GALM: variants seen among roughly 807,000 people sequenced by gnomAD.
GALM encodes the protein galactose mutarotase, also known as aldose 1-epimerase.
In GALM, 43 loss-of-function variants were observed where a neutral mutation model predicts 37.4. That is an observed-to-expected ratio of 1.15 (90% confidence interval 0.90 to 1.48). The LOEUF (loss-of-function observed/expected upper bound fraction) is 1.48. GALM is among the 40% of genes most tolerant of loss of function. The pLI is 0.00. For synonymous variants in GALM, 199 were observed against 170.6 expected (o/e 1.17, Z -1.30); for missense variants, 456 against 419.1 (o/e 1.09, Z -0.77).
At chr2:38,714,262 G>A (rs563738300) in intron 4 of GALM, among the ~76,000 whole-genome samples, 246 of 151,836 alleles carry the variant, frequency 1.6e-3, no homozygotes, top group Middle Eastern at 0.014. Flanking sequence ...TTGCCCAGGC[G>A]GGAGTGCAGT....
intron 2 of GALM, among the ~76,000 whole-genome samples, chr2:38,678,898 A>T (rs1352426766): frequency 6.6e-6 from 1 of 152,156 alleles, no homozygotes; most frequent in East Asian, 1.9e-4. Flanking sequence ...TCAGACAAAA[A>T]CTTCACTGAG....
At chr2:38,694,908 AAAAAC>A (rs953894352) in intron 4 of GALM, among the ~76,000 whole-genome samples, 2 of 151,130 alleles carry the variant, frequency 1.3e-5, no homozygotes, top group African/African-American at 4.9e-5. Context: ...AAAAAAAAAA[AAAAAC>A]AAAAAAAGAA....
chr2:38,731,396 CAAAAAAAAAAAAA>C (rs66613702), intron 5 of GALM, among the ~76,000 whole-genome samples: 10 of 121,668 alleles, frequency 8.2e-5, no homozygotes, highest in East Asian at 5.3e-4. Flanking sequence ...GACTCTATTT[CAAAAAAAAAAAAA>C]AAAAAAAAAA....
intron 4 of GALM, among the ~76,000 whole-genome samples, chr2:38,719,941 T>C (rs1321303648): frequency 3.3e-5 from 5 of 151,618 alleles, no homozygotes; most frequent in Non-Finnish European, 5.9e-5. Flanking sequence ...GCCAGGCGCG[T>C]TGGCTCACAC....
chr2:38,677,975 C>G (rs1665300315), intron 2 of GALM, among the ~76,000 whole-genome samples: 2 of 151,422 alleles, frequency 1.3e-5, no homozygotes, highest in South Asian at 4.2e-4. Flanking sequence ...GAGAGAATGA[C>G]TGCACAGTGG....
intron 4 of GALM, among the ~76,000 whole-genome samples, chr2:38,727,309 C>A (rs1416164304): frequency 1.3e-5 from 2 of 152,020 alleles, no homozygotes; most frequent in Non-Finnish European, 2.9e-5. Context: ...AGGATGGTAT[C>A]GCCTGGACCT....
chr2:38,692,265 A>G (rs1226874632), intron 4 of GALM, among the ~76,000 whole-genome samples: 2 of 152,210 alleles, frequency 1.3e-5, no homozygotes, highest in African/African-American at 2.4e-5. Flanking sequence ...AGAAGTCCTT[A>G]AGAAACAAGC....
Position 38,666,239 on chromosome 2 carries a change from A to C in GALM, c.78A>C (p.Ser26=). ...CAGTGGAGAAGTTCCAGCTGCAGTC[A>C]GACCTCTTGAGAGTGGACATCATCT... is the stretch of plus-strand genomic sequence containing the variant. ...GGTVEKFQLQ[S]DLLRVDIISW... The change falls in exon 1 of 7, where the codon TCA becomes TCC. Residue 26 remains serine (S), a synonymous_variant. Coordinates refer to ENST00000272252, the MANE Select transcript of GALM (RefSeq NM_138801.3). 6.2e-7 allele frequency: 1 copy of C among 1,614,092 alleles called. No homozygotes were observed. Among genetic ancestry groups the C allele is most frequent in the Non-Finnish European group, 8.5e-7 (1 of 1,179,940 alleles).
intron 5 of GALM, among the ~76,000 whole-genome samples, chr2:38,730,412 A>T (rs1007279007): frequency 6.6e-6 from 1 of 152,094 alleles, no homozygotes; most frequent in Non-Finnish European, 1.5e-5. Flanking sequence ...GATAACAGGC[A>T]CGTGCCACTA....
intron 2 of GALM, among the ~76,000 whole-genome samples, chr2:38,678,260 T>G (rs1665308967): frequency 6.6e-6 from 1 of 152,136 alleles, no homozygotes; most frequent in Non-Finnish European, 1.5e-5. Context: ...TTCACCCACC[T>G]CGGCCTCCCA....
intron 4 of GALM, among the ~76,000 whole-genome samples, chr2:38,690,422 G>T (rs1377520418): frequency 6.6e-6 from 1 of 151,934 alleles, no homozygotes; most frequent in Non-Finnish European, 1.5e-5. Flanking sequence ...TTTTGTTTTA[G>T]CTGGCTTTTT....
Position 38,681,270 on chromosome 2 carries a change from T to G in GALM, c.346-10T>G, listed in dbSNP as rs1275067311. 1.2e-6 allele frequency: 2 copies of G among 1,611,092 alleles called. No individual in the cohort carries two copies. Among genetic ancestry groups the G allele is most frequent in the African/African-American group, 1.3e-5 (1 of 74,968 alleles). On this transcript the variant is annotated splice_polypyrimidine_tract_variant and intron_variant, in intron 2 of 6. Coordinates refer to ENST00000272252, the MANE Select transcript of GALM (RefSeq NM_138801.3). ...AGCAACTACACAACTTTGAAAACACTTTTTTCCAGGTGCTCTGGACCCCTC... is the reference window on the plus strand; with the variant it reads ...AGCAACTACACAACTTTGAAAACACGTTTTTCCAGGTGCTCTGGACCCCTC...
At chr2:38,700,835 G>T (rs1220023942) in intron 4 of GALM, among the ~76,000 whole-genome samples, 2 of 151,914 alleles carry the variant, frequency 1.3e-5, no homozygotes, top group Non-Finnish European at 2.9e-5. Flanking sequence ...CTTGTGATTG[G>T]TGGTTTTCTG....
chr2:38,734,634 G>C lies in GALM; in HGVS notation c.*1069G>C, dbSNP rs953680794. The C allele has an allele frequency of 6.7e-6, 1 of 150,166 alleles. No individual in the cohort carries two copies. Among genetic ancestry groups the C allele is most frequent in the Non-Finnish European group, 1.5e-5 (1 of 67,980 alleles). 9.3% of individuals were successfully genotyped at this position (150,166 alleles called of 1,614,324 possible). A position where few individuals can be genotyped will look rare whatever the true frequency, so the allele number is the denominator to read the frequency against. On this transcript the variant is annotated 3_prime_UTR_variant, in exon 7 of 7. Transcript: ENST00000272252. ...AGAGATTGTATGTGACAAGGCTGGG[G>C]CTCCTTCTTTCCTAGACAATCAAAG...
chr2:38,687,187 T>C (rs575041638), intron 3 of GALM, among the ~76,000 whole-genome samples: 49 of 152,316 alleles, frequency 3.2e-4, no homozygotes, highest in African/African-American at 1.2e-3. Flanking sequence ...GGCACCACCC[T>C]GAGGCATGCG....
At chr2:38,688,882 G>T in intron 3 of GALM, among the ~76,000 whole-genome samples, 1 of 152,068 alleles carries the variant, frequency 6.6e-6, no homozygotes, top group Non-Finnish European at 1.5e-5. Flanking sequence ...AATGGCACGC[G>T]CGATCTTGGC....
intron 4 of GALM, among the ~76,000 whole-genome samples, chr2:38,704,662 ACT>A (rs140427171): frequency 0.021 from 3,115 of 151,060 alleles, 114 homozygotes; most frequent in African/African-American, 0.072. Flanking sequence ...ACACGGCAAG[ACT>A]CTGTCTCCAT....
chr2:38,728,640 G>A (rs543209265), intron 4 of GALM, among the ~76,000 whole-genome samples: 90 of 152,302 alleles, frequency 5.9e-4, no homozygotes, highest in African/African-American at 2.1e-3. Flanking sequence ...AGCTGAGATC[G>A]CGCCACTGCG....
intron 4 of GALM, among the ~76,000 whole-genome samples, chr2:38,716,394 T>A (rs2148451820): frequency 6.6e-6 from 1 of 152,322 alleles, no homozygotes; most frequent in South Asian, 2.1e-4. Flanking sequence ...ACACTTGAGG[T>A]TATGTGACTG....
Sources: allele counts gnomAD v4.1 joint callset (sites outside exome capture counted in the v4.1 genomes callset), GRCh38; gene constraint gnomAD v4.1.1; transcripts MANE v1.5; gene names NCBI Gene and HGNC (gene_info 2026-07-23, HGNC 2026-07-21).